Variants in CNGB3 observed in about 807,000 individuals in gnomAD.
The protein encoded by CNGB3 is cyclic nucleotide gated channel subunit beta 3.
CNGB3 carries 86 observed loss-of-function variants against 92.8 expected under a neutral mutation model. That is an observed-to-expected ratio of 0.93 (90% CI 0.78 to 1.11). The LOEUF is 1.11. Among genes scored for constraint, CNGB3 ranks in the 50% least tolerant of loss-of-function variants. The probability of loss-of-function intolerance (pLI) is 0.00; values close to 1 mark genes in which losing one functional copy is unlikely to be tolerated. For synonymous variants in CNGB3, 333 were observed against 332.7 expected (o/e 1.00, Z -0.01); for missense variants, 1,026 against 956.8 (o/e 1.07, Z -0.95).
rs560483704 is a variant in CNGB3, at chr8:86,693,955, C to T, written c.339-22857G>A. Among the ~76,000 whole-genome samples, 1,171 of 152,176 alleles carry T rather than the reference C, an allele frequency of 7.7e-3. 16 individuals carry two copies. Among genetic ancestry groups the T allele is most frequent in the African/African-American group, 0.027 (1,115 of 41,514 alleles). On this transcript the variant is annotated intron_variant, in intron 3 of 17. Coordinates refer to ENST00000320005, the MANE Select transcript of CNGB3 (RefSeq NM_019098.5). ...TCATCATGGCCCGTTCTCAATGAGCCATTGGGTACACCTACCAGATGGGGT... is the reference window on the plus strand; with the variant it reads ...TCATCATGGCCCGTTCTCAATGAGCTATTGGGTACACCTACCAGATGGGGT...
intron 17 of CNGB3, among the ~76,000 whole-genome samples, chr8:86,576,853 G>C (rs997491908): frequency 6.6e-6 from 1 of 152,136 alleles, no homozygotes; most frequent in Non-Finnish European, 1.5e-5. Context: ...TTTCTATGCT[G>C]ATGCAAATGA....
chr8:86,643,260 T>C (rs192555476), intron 10 of CNGB3, among the ~76,000 whole-genome samples: 129 of 151,684 alleles, frequency 8.5e-4, no homozygotes, highest in Admixed American at 2.4e-3. Flanking sequence ...TCATGCAATT[T>C]TGTTACATGT....
chr8:86,605,980 T>G (rs1168040019), intron 14 of CNGB3, among the ~76,000 whole-genome samples: 1 of 152,164 alleles, frequency 6.6e-6, no homozygotes, highest in Non-Finnish European at 1.5e-5. Context: ...TTACAAAAAT[T>G]AAAACAAAGG....
chr8:86,666,931 G>T lies in CNGB3; in HGVS notation c.846C>A (p.Asp282Glu), dbSNP rs1346771296. 6.2e-6 allele frequency: 10 copies of T among 1,611,640 alleles called. No individual in the cohort carries two copies. The highest frequency in any genetic ancestry group is 7.6e-6 in the Non-Finnish European group (9 of 1,179,276). ...QPRLQFVRGG[D>E]IIVDSNELRK... ...TTTCCCGAACCCCACTTACTATTATGTCTCCTCCTCTTACAAACTGGAGTC... is the reference window on the plus strand; with the variant it reads ...TTTCCCGAACCCCACTTACTATTATTTCTCCTCCTCTTACAAACTGGAGTC... The change falls in exon 6 of 18, where the codon GAC (aspartate) becomes GAA (glutamate). Residue 282 changes from aspartate to glutamate, a missense_variant. By Grantham distance (45) the Asp-to-Glu change is conservative. Transcript: ENST00000320005.
intron 6 of CNGB3, chr8:86,661,620 C>G (rs1158417368): frequency 1.2e-6 from 1 of 815,184 alleles, no homozygotes; most frequent in Non-Finnish European, 2.1e-6. Flanking sequence ...CTAATAAGTT[C>G]TTCTTTCTTC....
chr8:86,703,462 G>A (rs1468200470), intron 3 of CNGB3, among the ~76,000 whole-genome samples: 3 of 152,156 alleles, frequency 2.0e-5, no homozygotes, highest in African/African-American at 7.2e-5. Flanking sequence ...CTACCCCTTA[G>A]CCATTGTTTT....
intron 6 of CNGB3, among the ~76,000 whole-genome samples, chr8:86,662,731 G>A (rs1823666588): frequency 1.3e-5 from 2 of 152,138 alleles, no homozygotes; most frequent in South Asian, 4.1e-4. Context: ...GTGGGCACAA[G>A]CACTCTAGCA....
intron 6 of CNGB3, chr8:86,660,059 C>T (rs1823604281): frequency 3.0e-6 from 1 of 328,230 alleles, no homozygotes. Context: ...GGAAGAGACA[C>T]CACCAGCTAA....
chr8:86,635,485 T>C (rs1397058223), intron 10 of CNGB3, among the ~76,000 whole-genome samples: 1 of 151,806 alleles, frequency 6.6e-6, no homozygotes, highest in Non-Finnish European at 1.5e-5. Flanking sequence ...GCATGGATTT[T>C]CCAAATCTCA....
intron 3 of CNGB3, among the ~76,000 whole-genome samples, chr8:86,694,253 G>A (rs1330929227): frequency 2.7e-5 from 4 of 149,728 alleles, no homozygotes; most frequent in African/African-American, 9.8e-5. Context: ...TCCTGGATGG[G>A]GCGGCTGGCC....
chr8:86,619,510 C>A (rs1210659689), intron 13 of CNGB3, among the ~76,000 whole-genome samples: 1 of 152,054 alleles, frequency 6.6e-6, no homozygotes, highest in Non-Finnish European at 1.5e-5. Flanking sequence ...GTTGAAGCAG[C>A]AAATCTTACT....
chr8:86,638,361 C>A (rs1823114328), intron 10 of CNGB3, among the ~76,000 whole-genome samples: 1 of 152,064 alleles, frequency 6.6e-6, no homozygotes, highest in African/African-American at 2.4e-5. Flanking sequence ...TTCCAGTAAC[C>A]CCATGTTATC....
At chr8:86,607,108 C>T (rs572707770) in intron 14 of CNGB3, among the ~76,000 whole-genome samples, 1 of 152,164 alleles carries the variant, frequency 6.6e-6, no homozygotes, top group Non-Finnish European at 1.5e-5. Context: ...GGTAGAAGTA[C>T]ATAGTGGGTA....
chr8:86,704,505 T>A (rs946495064), intron 3 of CNGB3: 1 of 152,224 alleles, frequency 6.6e-6, no homozygotes, highest in African/African-American at 2.4e-5. Context: ...AACATGGCTG[T>A]AATGGAAATG....
At chr8:86,643,303 A>T (rs539266344) in intron 10 of CNGB3, among the ~76,000 whole-genome samples, 2 of 151,606 alleles carry the variant, frequency 1.3e-5, no homozygotes, top group Admixed American at 1.3e-4. Context: ...CAGGGTGTTT[A>T]GGGTGTTTAT....
chr8:86,690,968 A>G (rs1182724766), intron 3 of CNGB3, among the ~76,000 whole-genome samples: 3 of 152,156 alleles, frequency 2.0e-5, no homozygotes, highest in African/African-American at 4.8e-5. Context: ...GTAGCCTTGT[A>G]GTATAGTTTG....
At chr8:86,594,067 T>TAA in intron 15 of CNGB3, 1 of 339,608 alleles carries the variant, frequency 2.9e-6, no homozygotes, top group Non-Finnish European at 5.8e-6. Flanking sequence ...CATGCCCAGT[T>TAA]TTGTGCTGTA....
At chr8:86,627,058 C>T (rs1822863706) in intron 12 of CNGB3, among the ~76,000 whole-genome samples, 1 of 151,296 alleles carries the variant, frequency 6.6e-6, no homozygotes. Flanking sequence ...CCAGAAAATT[C>T]CCTATTCTTA....
In CNGB3 at chr8:86,648,386, C is replaced by A. The variant is rs371048282; in HGVS notation, c.904-499G>T. 2.6e-5 allele frequency among the ~76,000 whole-genome samples: 4 copies of A among 151,234 alleles called. No individual in the cohort carries two copies. In the East Asian group the frequency reaches 7.7e-4, roughly 29 times the overall value. On this transcript the variant is annotated intron_variant, in intron 7 of 17. Coordinates refer to ENST00000320005, the MANE Select transcript of CNGB3 (RefSeq NM_019098.5). ...CAATGCTTTCTACTCTTGTCTACTT[C>A]GAACCATTTTGCTACCAATAAACTG... is the stretch of plus-strand genomic sequence containing the variant.
Sources: allele counts gnomAD v4.1 joint callset (sites outside exome capture counted in the v4.1 genomes callset), GRCh38; gene constraint gnomAD v4.1.1; transcripts MANE v1.5; gene names NCBI Gene and HGNC (gene_info 2026-07-23, HGNC 2026-07-21).